The following DYM variants were observed in gnomAD, a reference collection of about 807,000 sequenced individuals.
DYM encodes dyggve-Melchior-Clausen syndrome protein.
DYM carries 78 observed loss-of-function variants against 93.1 expected under a neutral mutation model. That is an observed-to-expected ratio of 0.84 (90% CI 0.70 to 1.01). The LOEUF (loss-of-function observed/expected upper bound fraction) is 1.01, where lower values mean the gene tolerates loss of function less well. Ranked by LOEUF, DYM falls within the 50% of genes least tolerant of loss-of-function variation. The pLI is 0.00. For missense variants in DYM, 789 were observed against 845.0 expected, an observed-to-expected ratio of 0.93 and a Z score of 0.82; for synonymous variants, 321 against 319.7, an observed-to-expected ratio of 1.00 and a Z score of -0.04.
At chr18:49,417,667 CAAA>C (rs967498957) in intron 2 of DYM, among the ~76,000 whole-genome samples, 1 of 151,808 alleles carries the variant, frequency 6.6e-6, no homozygotes, top group Non-Finnish European at 1.5e-5. Flanking sequence ...TATTATTTAT[CAAA>C]AAAAGAGAAG....
intron 17 of DYM, among the ~76,000 whole-genome samples, chr18:49,060,601 C>G (rs1210018025): frequency 7.0e-6 from 1 of 143,012 alleles, no homozygotes; most frequent in African/African-American, 2.6e-5. Flanking sequence ...ACAGTACCCT[C>G]TGCCACAGGG....
chr18:49,302,596 T>A lies in DYM; in HGVS notation c.764-15980A>T, dbSNP rs149942178. ...TTAAAGTCCATCATACTCAAGGAAC[T>A]GTTGAAGGCGGAGGTGGGGGGACGA... On this transcript the variant is annotated intron_variant, in intron 8 of 17. Coordinates refer to ENST00000675505, the MANE Select transcript of DYM (RefSeq NM_001353214.3). 2.3e-4 allele frequency among the ~76,000 whole-genome samples: 35 copies of A among 152,216 alleles called. No homozygotes were observed. The East Asian group carries it at 6.0e-3, about 26-fold the overall frequency.
chr18:49,225,532 A>G (rs2093497236), intron 13 of DYM, among the ~76,000 whole-genome samples: 1 of 152,144 alleles, frequency 6.6e-6, no homozygotes, highest in African/African-American at 2.4e-5. Context: ...TTTATAAAAT[A>G]ATAGAGACTA....
intron 14 of DYM, among the ~76,000 whole-genome samples, chr18:49,184,960 G>A (rs930863507): frequency 2.6e-5 from 4 of 152,198 alleles, no homozygotes; most frequent in Admixed American, 6.5e-5. Context: ...AGGAGTGCTA[G>A]AAGGAGGCTT....
At chr18:49,324,240 T>C (rs1199582577) in intron 8 of DYM, among the ~76,000 whole-genome samples, 3 of 150,340 alleles carry the variant, frequency 2.0e-5, no homozygotes, top group Non-Finnish European at 3.0e-5. Flanking sequence ...GTACTGACTA[T>C]ACTTAAGGCT....
At chr18:49,312,003 T>A (rs916895225) in intron 8 of DYM, among the ~76,000 whole-genome samples, 1 of 152,182 alleles carries the variant, frequency 6.6e-6, no homozygotes, top group African/African-American at 2.4e-5. Flanking sequence ...TATATTTTCC[T>A]GGTAACTTTT....
At chr18:49,230,991 T>TA (rs1478852163) in intron 13 of DYM, among the ~76,000 whole-genome samples, 12 of 152,270 alleles carry the variant, frequency 7.9e-5, no homozygotes, top group African/African-American at 2.2e-4. Context: ...ATTATTTATT[T>TA]AAAAAATGAC....
At chr18:49,298,247 A>G (rs182501491) in intron 8 of DYM, among the ~76,000 whole-genome samples, 1 of 152,214 alleles carries the variant, frequency 6.6e-6, no homozygotes, top group Admixed American at 6.5e-5. Context: ...TAAAACTCAT[A>G]GCACAGTAAA....
intron 8 of DYM, among the ~76,000 whole-genome samples, chr18:49,305,277 C>G (rs139320861): frequency 6.6e-6 from 1 of 152,206 alleles, no homozygotes; most frequent in South Asian, 2.1e-4. Flanking sequence ...TGTCCCAGGG[C>G]AGTTACATAT....
At chr18:49,349,179 G>A (rs979485826) in intron 6 of DYM, among the ~76,000 whole-genome samples, 2 of 152,190 alleles carry the variant, frequency 1.3e-5, no homozygotes, top group East Asian at 1.9e-4. Context: ...GTGCACTCCC[G>A]CCTGGGTGAC....
intron 14 of DYM, among the ~76,000 whole-genome samples, chr18:49,180,036 T>C (rs79845003): frequency 0.099 from 15,067 of 152,160 alleles, 1,021 homozygotes; most frequent in East Asian, 0.31. Flanking sequence ...ATAATAGATG[T>C]ATTTAATTAT....
At chr18:49,361,329 A>G (rs1304006361) in intron 6 of DYM, among the ~76,000 whole-genome samples, 1 of 152,160 alleles carries the variant, frequency 6.6e-6, no homozygotes, top group Non-Finnish European at 1.5e-5. Flanking sequence ...AAAATTCTAG[A>G]TGCTGCATTC....
chr18:49,265,150 C>T (rs1249112897), intron 11 of DYM, among the ~76,000 whole-genome samples: 1 of 152,078 alleles, frequency 6.6e-6, no homozygotes, highest in Non-Finnish European at 1.5e-5. Context: ...CCCATGGTAA[C>T]ATGTGGTAAA....
Position 49,286,464 on chromosome 18 carries a change from G to C in DYM, c.916C>G (p.Gln306Glu), listed in dbSNP as rs201540129. 5 of 1,614,118 alleles carry C rather than the reference G, an allele frequency of 3.1e-6. No individual in the cohort carries two copies. The Admixed American group carries it at 6.7e-5, about 22-fold the overall frequency. Residue 306 changes from glutamine (Q) to glutamate (E), a missense_variant, in exon 9 of 18, where the codon CAA becomes GAA. Coordinates refer to ENST00000675505, the MANE Select transcript of DYM (RefSeq NM_001353214.3). The stretch of plus-strand genomic sequence containing the variant: ...GTGTTCTTGAAGGACATAATGGCTT[G>C]TCTGTAGGGGTTTGGCGCATCTGAG... The part of the protein sequence containing the change: ...DASDAPNPYR[Q>E]AIMSFKNTQD...
At position 49,121,643 on chromosome 18, in the gene DYM, A is replaced by C. The variant is rs188056130; in HGVS notation, c.1729-2717T>G. Reference sequence around the variant, plus strand: ...ATTCAAATTATTAAAGACCAAGACAAAGAGAAAATCTTGAGGACAGCTAAA... The same window carrying C: ...ATTCAAATTATTAAAGACCAAGACACAGAGAAAATCTTGAGGACAGCTAAA... On this transcript the variant is annotated intron_variant, in intron 15 of 17. Transcript: ENST00000675505. 2.6e-3 allele frequency among the ~76,000 whole-genome samples: 396 copies of C among 152,292 alleles called. 1 individual carries two copies. The highest frequency in any genetic ancestry group is 9.2e-3 in the African/African-American group (381 of 41,556).
At chr18:49,069,122 G>A (rs1007880532) in intron 17 of DYM, among the ~76,000 whole-genome samples, 2 of 152,216 alleles carry the variant, frequency 1.3e-5, no homozygotes, top group Admixed American at 1.3e-4. Flanking sequence ...ACATAGATGG[G>A]ATGATGCGTG....
chr18:49,410,811 A>G (rs944299600), intron 2 of DYM, among the ~76,000 whole-genome samples: 1 of 152,192 alleles, frequency 6.6e-6, no homozygotes, highest in Non-Finnish European at 1.5e-5. Context: ...AAACAAATTG[A>G]GTTGAAACTG....
chr18:49,092,222 G>T (rs542479945), intron 17 of DYM, among the ~76,000 whole-genome samples: 17 of 152,244 alleles, frequency 1.1e-4, no homozygotes, highest in African/African-American at 4.1e-4. Flanking sequence ...AGAGAAATAG[G>T]GGAGTCCTAT....
chr18:49,303,785 C>T (rs1246634709), intron 8 of DYM, among the ~76,000 whole-genome samples: 1 of 152,202 alleles, frequency 6.6e-6, no homozygotes. Context: ...TTCATTTTTA[C>T]TACTATGATT....
Sources: gnomAD v4.1 joint callset for allele counts (sites outside exome capture counted in the v4.1 genomes callset) on GRCh38, gnomAD v4.1.1 for gene constraint, MANE v1.5 for transcripts, NCBI Gene and HGNC (gene_info 2026-07-23, HGNC 2026-07-21) for gene names.